Variants in TNRC18 observed in about 807,000 individuals in gnomAD.
TNRC18 encodes the protein trinucleotide repeat-containing gene 18 protein.
TNRC18 carries 69 observed loss-of-function variants against 226.7 expected under a neutral mutation model. The ratio of observed to expected loss-of-function variants is 0.30; its 90% CI spans 0.25 to 0.37. TNRC18 has a LOEUF of 0.37. Among genes scored for constraint, TNRC18 ranks in the 10% least tolerant of loss-of-function variants. The pLI is 1.00. For synonymous variants in TNRC18, 2,449 were observed against 1,927.6 expected, an observed-to-expected ratio of 1.27 and a Z score of -7.09; for missense variants, 4,754 against 4,256.6, an observed-to-expected ratio of 1.12 and a Z score of -3.25.
chr7:5,324,414 T>C lies in TNRC18; in HGVS notation c.6301-59A>G. On this transcript the variant is annotated intron_variant, in intron 20 of 29. Coordinates refer to ENST00000430969, the MANE Select transcript of TNRC18 (RefSeq NM_001080495.3). This position sits in a 1 kb window ranked among gnomAD's most constrained non-coding sequence, Gnocchi z 4.8. ...GACCTGAACAGGGGTCCTGCCGGGT[T>C]GGGGACCCTCTCTGGAAACCTGGAG... is the stretch of plus-strand genomic sequence containing the variant. 1.3e-6 allele frequency: 2 copies of C among 1,588,698 alleles called. No homozygotes were observed. Among genetic ancestry groups the C allele is most frequent in the Non-Finnish European group, 1.7e-6 (2 of 1,167,410 alleles).
intron 11 of TNRC18, among the ~76,000 whole-genome samples, chr7:5,363,873 GC>G (rs1395981235): frequency 6.6e-6 from 1 of 151,740 alleles, no homozygotes; most frequent in East Asian, 1.9e-4. Flanking sequence ...AAAAAAGACA[GC>G]CCGCTTCCTT....
chr7:5,307,019 C>G lies in TNRC18; in HGVS notation c.*1087G>C, dbSNP rs1297666529. 6.9e-6 allele frequency: 1 copy of G among 145,514 alleles called. No homozygotes were observed. Among genetic ancestry groups the G allele is most frequent in the Admixed American group, 7.0e-5 (1 of 14,360 alleles). The allele number at this position is 145,514 out of a possible 1,614,324, so 9.0% of individuals were successfully genotyped here. A position where few individuals can be genotyped will look rare whatever the true frequency, so the allele number is the denominator to read the frequency against. ...GCTTTCTGGGGCCCAAGCAGGGACC[C>G]TGGGCTTGGGCCGGCTCCTGCCTCT... On this transcript the variant is annotated 3_prime_UTR_variant, in exon 30 of 30. Transcript: ENST00000430969.
intron 4 of TNRC18, 135 bp from the exon 5 acceptor site, chr7:5,389,471 T>TTTTTTTTTATTTTC: frequency 1.1e-6 from 1 of 923,914 alleles, no homozygotes; most frequent in Non-Finnish European, 1.4e-6. Flanking sequence ...GTTTTTTTTT[T>TTTTTTTTTATTTTC]CAGAAAGAGT....
Position 5,377,876 on chromosome 7 carries a change from G to T in TNRC18, c.2255+46C>A, listed in dbSNP as rs758454870. The T allele has an allele frequency of 1.6e-5, 25 of 1,583,514 alleles. No homozygotes were observed. In the African/African-American group the frequency reaches 2.7e-4, roughly 17 times the overall value. ...ATCCAGCTGCCCCTCACCCCCAGGG[G>T]CTCCTAGATACCCCCTAGACCCTCA... On this transcript the variant is annotated intron_variant, in intron 6 of 29. Coordinates refer to ENST00000430969, the MANE Select transcript of TNRC18 (RefSeq NM_001080495.3). The surrounding 1 kb of genome is among the most constrained non-coding windows in gnomAD (Gnocchi z 5.8).
At chr7:5,389,522 T>C (rs1178288049) in intron 4 of TNRC18, 186 bp from the exon 5 acceptor site, 38 of 694,248 alleles carry the variant, frequency 5.5e-5, no homozygotes, top group Admixed American at 3.5e-4. Flanking sequence ...TGGCGCAACC[T>C]TGGCTCACTG....
rs397709429 is a variant in TNRC18, at chr7:5,306,888, A to AC, written c.*1217dup. The AC allele has an allele frequency of 6.0e-5, 9 of 150,388 alleles. No individual in the cohort carries two copies. Among genetic ancestry groups the AC allele is most frequent in the East Asian group, 3.9e-4 (2 of 5,124 alleles). The allele number at this position is 150,388 out of a possible 1,614,324, so 9.3% of individuals were successfully genotyped here. A position where few individuals can be genotyped will look rare whatever the true frequency, so the allele number is the denominator to read the frequency against. On this transcript the variant is annotated 3_prime_UTR_variant, in exon 30 of 30. Transcript: ENST00000430969. ...TTCCAAAAGAAACATAAAAAAAAAA[A>AC]CCAATAATTCCCCCAAAAAACAAAC...
At chr7:5,330,114 T>A in intron 19 of TNRC18, 1 of 401,388 alleles carries the variant, frequency 2.5e-6, no homozygotes, top group Non-Finnish European at 5.1e-6. Context: ...TTATTTTTAG[T>A]AGAAACGGAG....
intron 11 of TNRC18, among the ~76,000 whole-genome samples, chr7:5,368,598 G>GAAGTTGC (rs1321508790): frequency 7.1e-6 from 1 of 140,974 alleles, no homozygotes; most frequent in Non-Finnish European, 1.5e-5. Context: ...CTGGGAGGCG[G>GAAGTTGC]AAGTTGCAGT....
rs140698543 is a variant in TNRC18 at position 5,353,930 on chromosome 7, C to A, written c.5195-1836G>T. On this transcript the variant is annotated intron_variant, in intron 16 of 29. Transcript: ENST00000430969. Reference sequence around the variant, plus strand: ...CATTTGACCATTCCCAGACCAGGCACGGCAGCTCATGCCTCTAATCCCAGC... The same window carrying A: ...CATTTGACCATTCCCAGACCAGGCAAGGCAGCTCATGCCTCTAATCCCAGC... Among the ~76,000 whole-genome samples, 35 of 152,196 alleles carry A rather than the reference C, an allele frequency of 2.3e-4. No homozygotes were observed. The East Asian group carries it at 5.6e-3, about 24-fold the overall frequency.
intron 2 of TNRC18, among the ~76,000 whole-genome samples, chr7:5,416,111 CA>C (rs35630581): frequency 0.26 from 21,586 of 83,144 alleles, 1,868 homozygotes; most frequent in Admixed American, 0.33. Flanking sequence ...GACTCTCTCG[CA>C]AAAAAAAAAA....
rs1366566403 is a variant in TNRC18, at chr7:5,306,910, A to C, written c.*1196T>G. 6.6e-6 allele frequency: 1 copy of C among 151,126 alleles called. No homozygotes were observed. Among genetic ancestry groups the C allele is most frequent in the African/African-American group, 2.4e-5 (1 of 41,172 alleles). 9.4% of individuals were successfully genotyped at this position (151,126 alleles called of 1,614,324 possible). A position where few individuals can be genotyped will look rare whatever the true frequency, so the allele number is the denominator to read the frequency against. ...AAAACCAATAATTCCCCCAAAAAAC[A>C]AACCCAAAGTCTGGCTTTTCCTTCC... On this transcript the variant is annotated 3_prime_UTR_variant, in exon 30 of 30. Transcript: ENST00000430969.
intron 17 of TNRC18, among the ~76,000 whole-genome samples, chr7:5,346,465 C>T (rs1791208805): frequency 6.6e-6 from 1 of 152,088 alleles, no homozygotes; most frequent in Non-Finnish European, 1.5e-5. Flanking sequence ...CACTGCACTC[C>T]AGCCTGGGTG....
At chr7:5,373,786 G>C (rs981311961) in intron 10 of TNRC18, among the ~76,000 whole-genome samples, 11 of 152,138 alleles carry the variant, frequency 7.2e-5, no homozygotes, top group African/African-American at 2.4e-4. Context: ...GTCTGGCTCG[G>C]TGGAAAACTC....
At chr7:5,392,249 G>A (rs1358278050) in intron 3 of TNRC18, among the ~76,000 whole-genome samples, 3 of 151,700 alleles carry the variant, frequency 2.0e-5, no homozygotes, top group African/African-American at 4.8e-5. Flanking sequence ...GGATCACGAG[G>A]TCAGGAGTTC....
chr7:5,316,131 A>C (rs1384663577), intron 24 of TNRC18, 59 bp from the exon 25 acceptor site: 6 of 1,390,240 alleles, frequency 4.3e-6, no homozygotes, highest in African/African-American at 1.4e-5. Context: ...CTAGTGACGC[A>C]CAAGGGTCAG....
At position 5,374,077 on chromosome 7, in the gene TNRC18, G is replaced by A. The variant is rs1471974708; in HGVS notation, c.3207C>T (p.Ser1069=). 3.2e-6 allele frequency: 5 copies of A among 1,580,618 alleles called. No homozygotes were observed. In the Admixed American group the frequency reaches 8.8e-5, roughly 28 times the overall value. Residue 1069 remains serine, a synonymous_variant, in exon 10 of 30, where the codon AGC becomes AGT. Transcript: ENST00000430969. Reference sequence around the variant, plus strand: ...TACCTGAGAACAGGGCCTGGAAGGGGCTGGGGGCTTCCTTCTCCAACTCCA... The same window carrying A: ...TACCTGAGAACAGGGCCTGGAAGGGACTGGGGGCTTCCTTCTCCAACTCCA... The part of the protein sequence containing the change: ...KDLELEKEAP[S]PFQALFSDIP...
At chr7:5,325,340 T>C in intron 19 of TNRC18, 92 bp from the exon 20 acceptor site, 1 of 1,429,206 alleles carries the variant, frequency 7.0e-7, no homozygotes, top group Non-Finnish European at 9.3e-7. Context: ...CCCCAAGTTC[T>C]GTGCCACCCC....
intron 2 of TNRC18, among the ~76,000 whole-genome samples, chr7:5,404,642 C>G (rs1562627248): frequency 6.6e-6 from 1 of 152,116 alleles, no homozygotes; most frequent in African/African-American, 2.4e-5. Context: ...AGACCCACTT[C>G]TGGGGATCCC....
At position 5,312,650 on chromosome 7, in the gene TNRC18, G is replaced by C. The variant is rs754986507; in HGVS notation, c.8241C>G (p.Ser2747Arg). 50 of 1,608,924 alleles carry C rather than the reference G, an allele frequency of 3.1e-5. No individual in the cohort carries two copies. Among genetic ancestry groups the C allele is most frequent in the Non-Finnish European group, 4.0e-5 (47 of 1,178,720 alleles). The change falls in exon 27 of 30, where the codon AGC becomes AGG. Residue 2747 changes from serine to arginine, a missense_variant. Transcript: ENST00000430969. The surrounding 1 kb of genome is among the most constrained non-coding windows in gnomAD (Gnocchi z 6.3). ...LQPKAQAGAK[S>R]RPKKREGVHL... ...GGACGCCCTCTCTCTTCTTGGGTCGGCTCTTGGCCCCGGCCTGAGCCTTGG... is the reference window on the plus strand; with the variant it reads ...GGACGCCCTCTCTCTTCTTGGGTCGCCTCTTGGCCCCGGCCTGAGCCTTGG...
Sources: gnomAD v4.1 joint callset for allele counts (sites outside exome capture counted in the v4.1 genomes callset) on GRCh38, gnomAD v4.1.1 for gene constraint, Gnocchi (gnomAD v3.1) non-coding constraint, MANE v1.5 for transcripts, NCBI Gene and HGNC (gene_info 2026-07-23, HGNC 2026-07-21) for gene names.